TLL1: variants seen among roughly 807,000 people sequenced by gnomAD.
The protein encoded by TLL1 is tolloid like 1.
Under a neutral mutation model 128.2 loss-of-function variants are expected in TLL1, and 49 were observed. The observed-to-expected ratio is 0.38, with a 90% CI of 0.30 to 0.48. The LOEUF (loss-of-function observed/expected upper bound fraction) is 0.48, where lower values mean the gene tolerates loss of function less well. TLL1 is among the 20% of genes least tolerant of loss of function. The pLI is 0.96. For missense variants in TLL1, 1,123 were observed against 1,242.0 expected, an observed-to-expected ratio of 0.90 and a Z score of 1.44; for synonymous variants, 454 against 418.8, an observed-to-expected ratio of 1.08 and a Z score of -1.03.
intron 1 of TLL1, among the ~76,000 whole-genome samples, chr4:165,961,803 A>G (rs1055024344): frequency 2.6e-5 from 4 of 152,178 alleles, no homozygotes; most frequent in East Asian, 1.9e-4. Flanking sequence ...ACCTGTCACC[A>G]TATACAGAAA....
At chr4:166,065,652 T>G in intron 15 of TLL1, 31 bp from the exon 16 acceptor site, 1 of 1,609,186 alleles carries the variant, frequency 6.2e-7, no homozygotes, top group Non-Finnish European at 8.5e-7. Context: ...TACTCACAAA[T>G]CTGGCAACTG....
rs563986958 is a variant in TLL1 at position 166,099,551 on chromosome 4, C to G, written c.2907+24C>G. ...GGGTAAATATACCACCAACAGAATACCCTAGACATGATTAAAGATGCCTAT... is the reference window on the plus strand; with the variant it reads ...GGGTAAATATACCACCAACAGAATAGCCTAGACATGATTAAAGATGCCTAT... On this transcript the variant is annotated intron_variant, in intron 20 of 20. Transcript: ENST00000061240. 184 of 1,612,306 alleles carry G rather than the reference C, an allele frequency of 1.1e-4. 1 individual carries two copies. The highest frequency in any genetic ancestry group is 4.7e-4 in the Admixed American group (28 of 59,844).
chr4:166,075,703 T>C (rs1463096264), intron 17 of TLL1, among the ~76,000 whole-genome samples: 1 of 152,188 alleles, frequency 6.6e-6, no homozygotes, highest in African/African-American at 2.4e-5. Flanking sequence ...TCTACTTAAA[T>C]TGGATTTATG....
chr4:166,058,143 T>C (rs1740118457), intron 14 of TLL1, among the ~76,000 whole-genome samples: 1 of 152,050 alleles, frequency 6.6e-6, no homozygotes, highest in Non-Finnish European at 1.5e-5. Context: ...CTACCATCAT[T>C]CATTCATCCA....
chr4:165,960,238 A>C (rs1735030115), intron 1 of TLL1, among the ~76,000 whole-genome samples: 1 of 152,126 alleles, frequency 6.6e-6, no homozygotes. Context: ...TAGTGGAAAC[A>C]CACAACCTCC....
intron 1 of TLL1, among the ~76,000 whole-genome samples, chr4:165,980,248 A>G (rs1271640286): frequency 6.6e-6 from 1 of 152,092 alleles, no homozygotes; most frequent in Non-Finnish European, 1.5e-5. Context: ...TTTTCATGAT[A>G]GCAATCTCAT....
intron 1 of TLL1, among the ~76,000 whole-genome samples, chr4:165,938,626 A>G (rs1561041097): frequency 1.3e-5 from 2 of 152,234 alleles, no homozygotes; most frequent in South Asian, 4.1e-4. Flanking sequence ...TTTTAAGTAT[A>G]CAGTTTTATA....
intron 1 of TLL1, among the ~76,000 whole-genome samples, chr4:165,933,995 C>A (rs986267983): frequency 2.6e-5 from 4 of 151,914 alleles, no homozygotes; most frequent in Admixed American, 2.6e-4. Context: ...TGGTGACGTT[C>A]ATCCTCTCTT....
rs1560998830 is a variant in TLL1 at position 165,873,891 on chromosome 4, T to C, written c.-14T>C. The C allele has an allele frequency of 3.7e-6, 6 of 1,613,290 alleles. No individual in the cohort carries two copies. Among genetic ancestry groups the C allele is most frequent in the Non-Finnish European group, 5.1e-6 (6 of 1,179,922 alleles). Reference sequence around the variant, plus strand: ...TCTGGGTCCCGTCCCCTCCTTTTCCTCCGGGGGAGGAGGATGGGGTTGGGA... The same window carrying C: ...TCTGGGTCCCGTCCCCTCCTTTTCCCCCGGGGGAGGAGGATGGGGTTGGGA... On this transcript the variant is annotated 5_prime_UTR_variant, in exon 1 of 21. Transcript: ENST00000061240.
intron 9 of TLL1, among the ~76,000 whole-genome samples, chr4:166,026,605 T>C (rs1333775143): frequency 6.6e-6 from 1 of 152,156 alleles, no homozygotes. Flanking sequence ...GATAATTGCT[T>C]GAACCTAGTA....
chr4:165,925,356 AT>A (rs1348697541), intron 1 of TLL1, among the ~76,000 whole-genome samples: 2 of 152,190 alleles, frequency 1.3e-5, no homozygotes, highest in African/African-American at 2.4e-5. Flanking sequence ...GAAGAAGTTG[AT>A]TCCAACTCAT....
intron 1 of TLL1, among the ~76,000 whole-genome samples, chr4:165,947,218 C>A (rs1734293677): frequency 1.3e-5 from 2 of 151,888 alleles, no homozygotes; most frequent in South Asian, 4.1e-4. Context: ...CTGGTGGGGA[C>A]AGGGTGCTCC....
intron 18 of TLL1, among the ~76,000 whole-genome samples, chr4:166,089,220 A>C (rs1741653209): frequency 6.6e-6 from 1 of 152,142 alleles, no homozygotes; most frequent in Admixed American, 6.6e-5. Context: ...GCTTAGTTTC[A>C]TATTTAGTAA....
chr4:165,937,024 A>G (rs760507108), intron 1 of TLL1, among the ~76,000 whole-genome samples: 3 of 152,216 alleles, frequency 2.0e-5, no homozygotes, highest in Non-Finnish European at 2.9e-5. Context: ...AAATATCATT[A>G]TCTTGAGTAT....
intron 11 of TLL1, among the ~76,000 whole-genome samples, chr4:166,042,527 A>G (rs1484057934): frequency 6.6e-6 from 1 of 152,256 alleles, no homozygotes; most frequent in East Asian, 1.9e-4. Flanking sequence ...GAAATTGCAC[A>G]GAAAGTAATT....
chr4:165,873,834 C>T lies in TLL1; in HGVS notation c.-71C>T, dbSNP rs891988814. The T allele has an allele frequency of 6.3e-7, 1 of 1,581,996 alleles. No homozygotes were observed. The highest frequency in any genetic ancestry group is 8.7e-7 in the Non-Finnish European group (1 of 1,154,134). On this transcript the variant is annotated 5_prime_UTR_variant, in exon 1 of 21. Transcript: ENST00000061240. ...AGAAGAGCACCGGTGCCCCTAGCCC[C>T]GCACATCAGCGCGGACCGCGGCTGC... is the stretch of plus-strand genomic sequence containing the variant.
chr4:165,908,840 A>G (rs1466491064), intron 1 of TLL1, among the ~76,000 whole-genome samples: 1 of 152,096 alleles, frequency 6.6e-6, no homozygotes, highest in Non-Finnish European at 1.5e-5. Context: ...GGAGGGAAGT[A>G]TATGGATTCT....
intron 1 of TLL1, among the ~76,000 whole-genome samples, chr4:165,893,455 G>A (rs1246137848): frequency 6.6e-6 from 1 of 152,186 alleles, no homozygotes; most frequent in Admixed American, 6.5e-5. Context: ...TGAAGAGGTG[G>A]AGCTGGGAAT....
chr4:166,025,084 A>C (rs1738430583), intron 8 of TLL1, among the ~76,000 whole-genome samples: 1 of 152,178 alleles, frequency 6.6e-6, no homozygotes. Flanking sequence ...TATGAATGCC[A>C]CATTATTTCT....
Sources: gnomAD v4.1 joint callset for allele counts (sites outside exome capture counted in the v4.1 genomes callset) on GRCh38, gnomAD v4.1.1 for gene constraint, MANE v1.5 for transcripts, NCBI Gene and HGNC (gene_info 2026-07-23, HGNC 2026-07-21) for gene names.